CHSY3: variants seen among roughly 807,000 people sequenced by gnomAD.
The protein encoded by CHSY3 is N-acetylgalactosaminyl-proteoglycan 3-beta-glucuronosyltransferase 3.
CHSY3 carries 35 observed loss-of-function variants against 67.2 expected under a neutral mutation model. The ratio of observed to expected loss-of-function variants is 0.52; its 90% CI spans 0.40 to 0.69. The LOEUF is 0.69. CHSY3 is among the 30% of genes least tolerant of loss of function. The pLI, the probability that CHSY3 is intolerant of heterozygous loss-of-function variation, is 0.00. For synonymous variants in CHSY3, 474 were observed against 434.7 expected, an observed-to-expected ratio of 1.09 and a Z score of -1.12; for missense variants, 1,069 against 1,138.5, an observed-to-expected ratio of 0.94 and a Z score of 0.88.
At position 129,958,161 on chromosome 5, in the gene CHSY3, G is replaced by C. The variant is rs150502562; in HGVS notation, c.1086+49801G>C. Among the ~76,000 whole-genome samples the C allele has an allele frequency of 2.0e-3, 312 of 152,198 alleles. 3 individuals are homozygous for C. The highest frequency in any genetic ancestry group is 6.9e-3 in the African/African-American group (286 of 41,534). ...TGTGATACTCTTCTTGAATATTAGA[G>C]TGTTATTAGTTTGTGTGTTTGACTT... On this transcript the variant is annotated intron_variant, in intron 2 of 2. Coordinates refer to ENST00000305031, the MANE Select transcript of CHSY3 (RefSeq NM_175856.5).
Position 130,021,678 on chromosome 5 carries a change from TTTAG to T in CHSY3, c.1086+113322_1086+113325del, listed in dbSNP as rs200265640. Among the ~76,000 whole-genome samples, 724 of 152,274 alleles carry T rather than the reference TTTAG, an allele frequency of 4.8e-3. 10 individuals are homozygous for T. Among genetic ancestry groups the T allele is most frequent in the African/African-American group, 0.016 (683 of 41,576 alleles). On this transcript the variant is annotated intron_variant, in intron 2 of 2. Transcript: ENST00000305031. ...TAATATGTTTTAATGCTTTTTCTAC[TTTAG>T]TTAATTTGTCTTACCCAGTGCTATT...
At position 130,124,833 on chromosome 5, in the gene CHSY3, G is replaced by A. The variant is rs144230924; in HGVS notation, c.1087-59396G>A. On this transcript the variant is annotated intron_variant, in intron 2 of 2. Transcript: ENST00000305031. ...TTGCATGTTTTGCACATGTACCCCA[G>A]AACTGAAAGTATAATAATAAAAAAA... 9.3e-3 allele frequency among the ~76,000 whole-genome samples: 1,420 copies of A among 152,174 alleles called. 17 individuals carry two copies. The highest frequency in any genetic ancestry group is 0.032 in the African/African-American group (1,317 of 41,516).
intron 2 of CHSY3, among the ~76,000 whole-genome samples, chr5:130,044,622 T>C (rs2149667318): frequency 6.6e-6 from 1 of 152,248 alleles, no homozygotes; most frequent in African/African-American, 2.4e-5. Context: ...AGTAGAATTT[T>C]TAAATGTATT....
At chr5:129,918,550 A>G (rs75613720) in intron 2 of CHSY3, among the ~76,000 whole-genome samples, 1,663 of 152,302 alleles carry the variant, frequency 0.011, 25 homozygotes, top group African/African-American at 0.037. Context: ...CAGGAGTTTA[A>G]GGGAAGAAAT....
chr5:130,004,917 A>T (rs1296864222), intron 2 of CHSY3, among the ~76,000 whole-genome samples: 1 of 152,218 alleles, frequency 6.6e-6, no homozygotes, highest in Non-Finnish European at 1.5e-5. Context: ...AAATAACTTT[A>T]TATCATTATA....
intron 2 of CHSY3, among the ~76,000 whole-genome samples, chr5:130,148,392 T>G (rs1489564878): frequency 6.6e-6 from 1 of 152,206 alleles, no homozygotes; most frequent in Non-Finnish European, 1.5e-5. Flanking sequence ...ATGATTTGTA[T>G]TCCTTTGGGT....
At chr5:130,065,975 C>T (rs1247182821) in intron 2 of CHSY3, among the ~76,000 whole-genome samples, 1 of 152,076 alleles carries the variant, frequency 6.6e-6, no homozygotes, top group Non-Finnish European at 1.5e-5. Flanking sequence ...GTCATTAACT[C>T]TTTATTCCCA....
chr5:130,007,123 T>C (rs1184558046), intron 2 of CHSY3, among the ~76,000 whole-genome samples: 1 of 152,226 alleles, frequency 6.6e-6, no homozygotes, highest in Non-Finnish European at 1.5e-5. Context: ...CAAAATATTA[T>C]ACCATGTTGT....
chr5:130,138,630 A>G (rs1291935609), intron 2 of CHSY3, among the ~76,000 whole-genome samples: 1 of 152,244 alleles, frequency 6.6e-6, no homozygotes, highest in Non-Finnish European at 1.5e-5. Flanking sequence ...CAGAAGCAGT[A>G]TTGGCTCAAG....
At chr5:130,026,231 A>G (rs1764537582) in intron 2 of CHSY3, among the ~76,000 whole-genome samples, 1 of 152,114 alleles carries the variant, frequency 6.6e-6, no homozygotes, top group African/African-American at 2.4e-5. Flanking sequence ...TATAGCATTC[A>G]TAGATTGAAA....
chr5:130,045,759 A>G (rs1689572526), intron 2 of CHSY3, among the ~76,000 whole-genome samples: 1 of 152,014 alleles, frequency 6.6e-6, no homozygotes, highest in Non-Finnish European at 1.5e-5. Context: ...CAATCAGTAC[A>G]TTTTCGGAGA....
At chr5:130,143,780 A>ATGTGTATATATATATATATATATATG (rs1561557187) in intron 2 of CHSY3, among the ~76,000 whole-genome samples, 3 of 60,408 alleles carry the variant, frequency 5.0e-5, no homozygotes, top group South Asian at 8.4e-4. Context: ...ATATATATAT[A>ATGTGTATATATATATATATATATATG]TGTGTATATA....
chr5:130,030,120 G>T (rs903555981), intron 2 of CHSY3, among the ~76,000 whole-genome samples: 1 of 151,782 alleles, frequency 6.6e-6, no homozygotes, highest in African/African-American at 2.4e-5. Context: ...TAGGTTGATG[G>T]TATGCTGTTT....
chr5:129,922,037 T>C (rs1760942278), intron 2 of CHSY3, among the ~76,000 whole-genome samples: 1 of 152,178 alleles, frequency 6.6e-6, no homozygotes, highest in Admixed American at 6.5e-5. Flanking sequence ...CTACTCCCCG[T>C]CTTCATGAGT....
intron 2 of CHSY3, among the ~76,000 whole-genome samples, chr5:130,092,691 G>A (rs1766919238): frequency 1.3e-5 from 2 of 152,228 alleles, no homozygotes; most frequent in South Asian, 4.1e-4. Context: ...TTGCATTACA[G>A]AAAACCAATT....
At chr5:129,951,947 T>C (rs924438814) in intron 2 of CHSY3, among the ~76,000 whole-genome samples, 6 of 152,220 alleles carry the variant, frequency 3.9e-5, no homozygotes, top group African/African-American at 1.4e-4. Context: ...AAATCCTGGT[T>C]ATACTAGAAG....
chr5:130,060,490 C>G lies in CHSY3; in HGVS notation c.1087-123739C>G, dbSNP rs142843815. On this transcript the variant is annotated intron_variant, in intron 2 of 2. Transcript: ENST00000305031. ...GGGAAAAGTCGAAAGCCTTTTTTTC[C>G]AAGAACTGGAACGAGACAAGGATAG... Among the ~76,000 whole-genome samples the G allele has an allele frequency of 3.2e-3, 480 of 152,108 alleles. 3 individuals carry two copies. The highest frequency in any genetic ancestry group is 0.01 in the African/African-American group (423 of 41,528).
chr5:130,045,754 A>C (rs75008561), intron 2 of CHSY3, among the ~76,000 whole-genome samples: 230 of 152,224 alleles, frequency 1.5e-3, no homozygotes, highest in African/African-American at 5.4e-3. Context: ...CTACCCAATC[A>C]GTACATTTTC....
intron 2 of CHSY3, among the ~76,000 whole-genome samples, chr5:129,991,790 G>C (rs1763375004): frequency 6.6e-6 from 1 of 152,168 alleles, no homozygotes; most frequent in Admixed American, 6.6e-5. Context: ...GAGGATTCCT[G>C]TTTGAGATTG....
Sources: allele counts gnomAD v4.1 joint callset (sites outside exome capture counted in the v4.1 genomes callset), GRCh38; gene constraint gnomAD v4.1.1; transcripts MANE v1.5; gene names NCBI Gene and HGNC (gene_info 2026-07-23, HGNC 2026-07-21).